TDO2: variants seen among roughly 807,000 people sequenced by gnomAD.
TDO2 encodes tryptamin 2,3-dioxygenase.
In TDO2, 63 loss-of-function variants were observed where a neutral mutation model predicts 61.2. The observed-to-expected ratio is 1.03, with a 90% CI of 0.84 to 1.27. TDO2 has a LOEUF of 1.27. TDO2 is among the 50% of genes most tolerant of loss of function. The probability of loss-of-function intolerance (pLI) is 0.00; values close to 1 mark genes in which losing one functional copy is unlikely to be tolerated. For synonymous variants in TDO2, 183 were observed against 164.0 expected (o/e 1.12, Z -0.89); for missense variants, 494 against 469.5 (o/e 1.05, Z -0.48).
Position 155,917,212 on chromosome 4 carries a change from T to A in TDO2, c.897-183T>A, listed in dbSNP as rs111605044. Among the ~76,000 whole-genome samples, 328 of 152,160 alleles carry A rather than the reference T, an allele frequency of 2.2e-3. 1 individual carries two copies. Among genetic ancestry groups the A allele is most frequent in the African/African-American group, 7.1e-3 (293 of 41,516 alleles). ...CTTCAAACAAACACTGCAAGTTGAG[T>A]AGTATTATTTCATCTTTGAGATGGA... On this transcript the variant is annotated intron_variant, in intron 9 of 11. Coordinates refer to ENST00000536354, the MANE Select transcript of TDO2 (RefSeq NM_005651.4).
chr4:155,919,062 T>C (rs565791994), intron 11 of TDO2, among the ~76,000 whole-genome samples: 1 of 152,272 alleles, frequency 6.6e-6, no homozygotes, highest in Admixed American at 6.5e-5. Flanking sequence ...TAACTGCCTA[T>C]ACCAAATGAG....
At position 155,917,484 on chromosome 4, in the gene TDO2, T is replaced by C; in HGVS notation, c.976+10T>C. The C allele has an allele frequency of 1.9e-6, 3 of 1,602,332 alleles. No homozygotes were observed. Among genetic ancestry groups the C allele is most frequent in the Non-Finnish European group, 2.6e-6 (3 of 1,175,046 alleles). ...ATGACCAAATGGAGATGTAAGTCCT[T>C]CCCACTCACCCCATGTTGCTTCCCC... On this transcript the variant is annotated intron_variant, in intron 10 of 11. Transcript: ENST00000536354.
intron 8 of TDO2, among the ~76,000 whole-genome samples, chr4:155,914,903 TAA>T (rs1165431182): frequency 1.3e-5 from 2 of 152,200 alleles, no homozygotes; most frequent in African/African-American, 2.4e-5. Flanking sequence ...CCAGCCATAC[TAA>T]GTTTCTTTTA....
intron 10 of TDO2, among the ~76,000 whole-genome samples, chr4:155,917,800 G>C (rs1008502825): frequency 1.3e-5 from 2 of 152,108 alleles, no homozygotes; most frequent in Admixed American, 1.3e-4. Flanking sequence ...TGCCAATGCA[G>C]TTTTAAATTT....
chr4:155,917,320 T>G, intron 9 of TDO2, 75 bp from the exon 10 acceptor site: 1 of 1,249,644 alleles, frequency 8.0e-7, no homozygotes, highest in Non-Finnish European at 1.1e-6. Context: ...GCCAACTGAT[T>G]GTCAAACTCA....
chr4:155,915,660 T>A (rs1284747667), intron 8 of TDO2, among the ~76,000 whole-genome samples, 195 bp from the exon 9 acceptor site: 1 of 152,200 alleles, frequency 6.6e-6, no homozygotes, highest in Admixed American at 6.5e-5. Context: ...GTTTGTTTTT[T>A]AAAATCCAAT....
chr4:155,908,753 G>A, intron 4 of TDO2, 134 bp from the exon 5 acceptor site: 1 of 1,122,918 alleles, frequency 8.9e-7, no homozygotes, highest in Non-Finnish European at 1.2e-6. Context: ...TATACTCTTT[G>A]CAAATTTTAG....
chr4:155,905,219 G>A (rs1742697882), intron 3 of TDO2, 62 bp downstream of exon 3: 1 of 1,237,992 alleles, frequency 8.1e-7, no homozygotes, highest in South Asian at 1.4e-5. Flanking sequence ...AACGAGGAAA[G>A]CTACAATTTT....
In TDO2 at chr4:155,909,019, GC is replaced by G. The variant is rs751240964; in HGVS notation, c.431+6del. The G allele has an allele frequency of 2.3e-5, 36 of 1,582,984 alleles. No individual in the cohort carries two copies. Among genetic ancestry groups the G allele is most frequent in the Non-Finnish European group, 2.7e-5 (32 of 1,166,898 alleles). ...CTTGGACTTCAATGACTTCAGGTGT[GC>G]ACATTTGGCATTTTAAAAAATGTGA... On this transcript the variant is annotated splice_donor_region_variant and intron_variant, in intron 5 of 11. Coordinates refer to ENST00000536354, the MANE Select transcript of TDO2 (RefSeq NM_005651.4).
At chr4:155,911,745 C>G in intron 7 of TDO2, 141 bp downstream of exon 7, 1 of 535,732 alleles carries the variant, frequency 1.9e-6, no homozygotes, top group East Asian at 3.3e-5. Context: ...GACTATGTGA[C>G]ATGATTGATT....
In TDO2 at chr4:155,910,121, C is replaced by T; in HGVS notation, c.528C>T (p.Asn176=). The T allele has an allele frequency of 1.3e-6, 2 of 1,599,748 alleles. No individual in the cohort carries two copies. The highest frequency in any genetic ancestry group is 3.5e-5 in the Admixed American group (2 of 56,796). Residue 176 remains asparagine (N), a synonymous_variant, in exon 6 of 12, where the codon AAC becomes AAT. Coordinates refer to ENST00000536354, the MANE Select transcript of TDO2 (RefSeq NM_005651.4). ...TTCAGAACATGAGAGTCCCTTATAA[C>T]AGAAGACATTATCGTGATAACTTCA... ...GVLQNMRVPY[N]RRHYRDNFKG... is the part of the protein sequence containing the mutation.
Position 155,908,924 on chromosome 4 carries a change from G to A in TDO2, c.341G>A (p.Arg114Gln), listed in dbSNP as rs762647259. 2.9e-5 allele frequency: 46 copies of A among 1,612,470 alleles called. No individual in the cohort carries two copies. The highest frequency in any genetic ancestry group is 4.5e-5 in the East Asian group (2 of 44,766). ...AGGAACATGCTTAAGGTTGTTTCTC[G>A]GATGCACCGAGTGTCAGTGATCCTG... ...DERNMLKVVS[R>Q]MHRVSVILKL... Residue 114 changes from arginine (R) to glutamine (Q), a missense_variant, in exon 5 of 12, where the codon CGG (arginine) becomes CAG (glutamine). Arg to Gln is a conservative substitution (Grantham distance 43, BLOSUM62 1). Transcript: ENST00000536354.
At chr4:155,916,254 G>T (rs1461955965) in intron 9 of TDO2, among the ~76,000 whole-genome samples, 2 of 136,114 alleles carry the variant, frequency 1.5e-5, no homozygotes, top group Admixed American at 8.1e-5. Context: ...TGCAAGCTCC[G>T]CCTCCCGGGT....
In TDO2 at chr4:155,911,623, T is replaced by C; in HGVS notation, c.726+19T>C. On this transcript the variant is annotated intron_variant, in intron 7 of 11. Coordinates refer to ENST00000536354, the MANE Select transcript of TDO2 (RefSeq NM_005651.4). Reference sequence around the variant, plus strand: ...GATTCAGGTATTTAGATGACATGAGTTAATATAAATTCAATACAGAAATAT... The same window carrying C: ...GATTCAGGTATTTAGATGACATGAGCTAATATAAATTCAATACAGAAATAT... 2 of 1,440,042 alleles carry C rather than the reference T, an allele frequency of 1.4e-6. No individual in the cohort carries two copies. The highest frequency in any genetic ancestry group is 1.9e-6 in the Non-Finnish European group (2 of 1,065,236). 89.2% of individuals were successfully genotyped at this position (1,440,042 alleles called of 1,614,324 possible).
rs761278970 is a variant in TDO2 at position 155,904,080 on chromosome 4, A to G, written c.98A>G (p.Asn33Ser). The change falls in exon 2 of 12, where the codon AAT becomes AGT. Residue 33 changes from asparagine to serine, a missense_variant. Physicochemically the swap from Asn to Ser is conservative, Grantham distance 46. Transcript: ENST00000536354. The stretch of plus-strand genomic sequence containing the variant: ...GAAGACAAATCACAAACTGGTGTGA[A>G]TAGAGCCAGCAAAGGAGGTCTTATC... The part of the protein sequence containing the change: ...SEEDKSQTGV[N>S]RASKGGLIYG... The G allele has an allele frequency of 6.2e-7, 1 of 1,614,068 alleles. No individual in the cohort carries two copies. Among genetic ancestry groups the G allele is most frequent in the Non-Finnish European group, 8.5e-7 (1 of 1,179,992 alleles).
chr4:155,904,560 G>C (rs1465083580), intron 2 of TDO2, among the ~76,000 whole-genome samples: 2 of 152,134 alleles, frequency 1.3e-5, no homozygotes, highest in Admixed American at 6.5e-5. Flanking sequence ...AACATATAAA[G>C]AGGGATGTTA....
Position 155,905,103 on chromosome 4 carries a change from G to A in TDO2, c.178G>A (p.Glu60Lys), listed in dbSNP as rs200748283. 8 of 1,600,084 alleles carry A rather than the reference G, an allele frequency of 5.0e-6. No homozygotes were observed. In the Admixed American group the frequency reaches 5.2e-5, roughly 10 times the overall value. Residue 60 changes from glutamate (E) to lysine (K), a missense_variant, in exon 3 of 12, where the codon GAA (glutamate) becomes AAA (lysine). By Grantham distance (56) the Glu-to-Lys change is moderately conservative (BLOSUM62 1). Transcript: ENST00000536354. ...TTTGAATGCACAAGAACTGCAAAGT[G>A]AAACAAAAGGAAATAAAATCCATGA... is the stretch of plus-strand genomic sequence containing the variant. ...KVLNAQELQSETKGNKIHDEH... is the reference protein window; with the variant it reads ...KVLNAQELQSKTKGNKIHDEH...
At chr4:155,916,145 C>T (rs1742928628) in intron 9 of TDO2, among the ~76,000 whole-genome samples, 1 of 145,292 alleles carries the variant, frequency 6.9e-6, no homozygotes, top group Non-Finnish European at 1.5e-5. Context: ...TTAAACACTA[C>T]ACAAATTAAT....
At chr4:155,907,848 G>C in intron 4 of TDO2, 56 bp downstream of exon 4, 1 of 1,364,968 alleles carries the variant, frequency 7.3e-7, no homozygotes, top group South Asian at 1.2e-5. Context: ...GATATGGAAA[G>C]TATTATTAAT....
Sources: gnomAD v4.1 joint callset for allele counts (sites outside exome capture counted in the v4.1 genomes callset) on GRCh38, gnomAD v4.1.1 for gene constraint, MANE v1.5 for transcripts, NCBI Gene and HGNC (gene_info 2026-07-23, HGNC 2026-07-21) for gene names.